Variants in KPNA1 observed in about 807,000 individuals in gnomAD.
KPNA1 encodes the protein karyopherin subunit alpha 1, also known as importin subunit alpha-5.
A neutral mutation model predicts 70.5 loss-of-function variants in KPNA1; 10 were observed. The ratio of observed to expected loss-of-function variants is 0.14; its 90% CI spans 0.09 to 0.24. The LOEUF (loss-of-function observed/expected upper bound fraction) is 0.24, where lower values mean the gene tolerates loss of function less well. KPNA1 is among the 10% of genes least tolerant of loss of function. The pLI is 1.00. For missense variants in KPNA1, 397 were observed against 637.9 expected, an observed-to-expected ratio of 0.62 and a Z score of 4.07; for synonymous variants, 192 against 221.9, an observed-to-expected ratio of 0.87 and a Z score of 1.20.
At chr3:122,457,136 A>G (rs968412781) in intron 5 of KPNA1, among the ~76,000 whole-genome samples, 1 of 152,214 alleles carries the variant, frequency 6.6e-6, no homozygotes, top group South Asian at 2.1e-4. Context: ...AAAAAATTAG[A>G]TGTACTTTAA....
intron 2 of KPNA1, among the ~76,000 whole-genome samples, chr3:122,486,679 C>G (rs2076633035): frequency 6.6e-6 from 1 of 152,110 alleles, no homozygotes; most frequent in Non-Finnish European, 1.5e-5. Context: ...GCTCCACCTC[C>G]CAGGTTCACG....
At chr3:122,459,998 A>G in intron 5 of KPNA1, 1 of 985,472 alleles carries the variant, frequency 1.0e-6, no homozygotes, top group Non-Finnish European at 1.2e-6. Flanking sequence ...CTTAGAGTAA[A>G]GAACAGCACA....
At chr3:122,503,916 CA>C (rs765401001) in intron 1 of KPNA1, among the ~76,000 whole-genome samples, 1 of 151,954 alleles carries the variant, frequency 6.6e-6, no homozygotes, top group Non-Finnish European at 1.5e-5. Flanking sequence ...AACAAACAAA[CA>C]AAAAACCCAG....
intron 12 of KPNA1, among the ~76,000 whole-genome samples, chr3:122,430,507 G>A (rs942341875): frequency 9.9e-6 from 1 of 101,430 alleles, no homozygotes; most frequent in East Asian, 3.1e-4. Flanking sequence ...TTCCTATACT[G>A]TACTACCAGT....
intron 1 of KPNA1, among the ~76,000 whole-genome samples, chr3:122,500,654 T>G (rs1407525013): frequency 1.3e-5 from 2 of 151,554 alleles, no homozygotes; most frequent in East Asian, 3.9e-4. Context: ...ATGCCCAGAT[T>G]ATTATTATAT....
chr3:122,448,021 T>C (rs1229654725), intron 9 of KPNA1, among the ~76,000 whole-genome samples: 1 of 152,156 alleles, frequency 6.6e-6, no homozygotes, highest in Admixed American at 6.5e-5. Flanking sequence ...ATGCTCATCA[T>C]CACTGGTCAT....
intron 12 of KPNA1, among the ~76,000 whole-genome samples, 166 bp from the exon 13 acceptor site, chr3:122,427,882 A>C (rs1316573730): frequency 2.6e-5 from 4 of 152,154 alleles, no homozygotes; most frequent in African/African-American, 9.6e-5. Context: ...AACAAAAACA[A>C]AAAACCCTCT....
intron 2 of KPNA1, among the ~76,000 whole-genome samples, chr3:122,482,234 G>C (rs989060935): frequency 6.6e-6 from 1 of 152,160 alleles, no homozygotes; most frequent in Admixed American, 6.5e-5. Flanking sequence ...CACTGGAGGC[G>C]ATTTTAACCC....
chr3:122,458,810 G>A (rs896911089), intron 5 of KPNA1, among the ~76,000 whole-genome samples: 8 of 152,108 alleles, frequency 5.3e-5, no homozygotes, highest in Non-Finnish European at 7.4e-5. Context: ...GGTCTCTCTC[G>A]ATATATTTGC....
chr3:122,444,910 G>A (rs988838408), intron 9 of KPNA1, among the ~76,000 whole-genome samples: 7 of 152,086 alleles, frequency 4.6e-5, no homozygotes, highest in African/African-American at 1.4e-4. Context: ...CACCAATATC[G>A]AAGACCAAAG....
rs57843662 is a variant in KPNA1 at position 122,478,894 on chromosome 3, CAAAAAAAAAAA to C, written c.130-11476_130-11466del. On this transcript the variant is annotated intron_variant, in intron 2 of 13. Transcript: ENST00000344337. ...GGGCAACAAGAGCAAAACCTCGTCTCAAAAAAAAAAAAAAAAAAAAAAAAAAGAACTAAAAA... is the reference window on the plus strand; with the variant it reads ...GGGCAACAAGAGCAAAACCTCGTCTCAAAAAAAAAAAAAAAGAACTAAAAA... Among the ~76,000 whole-genome samples, 47 of 18,694 alleles carry C rather than the reference CAAAAAAAAAAA, an allele frequency of 2.5e-3. No homozygotes were observed. In the South Asian group the frequency reaches 0.068, roughly 27 times the overall value. The allele number at this position is 18,694 out of a possible 152,430, so 12.3% of individuals were successfully genotyped here. A position where few individuals can be genotyped will look rare whatever the true frequency, so the allele number is the denominator to read the frequency against.
intron 1 of KPNA1, among the ~76,000 whole-genome samples, chr3:122,509,401 G>A (rs1161862398): frequency 6.6e-6 from 1 of 152,088 alleles, no homozygotes; most frequent in African/African-American, 2.4e-5. Flanking sequence ...CTTCTATACA[G>A]GTCTATAATA....
intron 9 of KPNA1, among the ~76,000 whole-genome samples, chr3:122,444,290 A>T (rs1351130652): frequency 6.6e-6 from 1 of 152,172 alleles, no homozygotes; most frequent in African/African-American, 2.4e-5. Context: ...GTTCAAACAC[A>T]CCTTTCACAA....
At chr3:122,452,497 AGACGGAAG>A in intron 6 of KPNA1, among the ~76,000 whole-genome samples, 3 of 120,728 alleles carry the variant, frequency 2.5e-5, no homozygotes, top group African/African-American at 6.2e-5. Context: ...TGACAGGGAC[AGACGGAAG>A]GAGGGAAGGA....
intron 5 of KPNA1, chr3:122,459,829 T>C: frequency 1.0e-6 from 1 of 985,158 alleles, no homozygotes; most frequent in Non-Finnish European, 1.2e-6. Context: ...CAACAAAGAG[T>C]GTAAAACAAA....
intron 9 of KPNA1, among the ~76,000 whole-genome samples, chr3:122,444,109 T>C (rs745973804): frequency 2.0e-5 from 3 of 152,228 alleles, no homozygotes; most frequent in Non-Finnish European, 2.9e-5. Flanking sequence ...CCCAGGGCTG[T>C]TCCTTGCTGA....
At chr3:122,441,820 C>G (rs546105680) in intron 10 of KPNA1, among the ~76,000 whole-genome samples, 1 of 152,152 alleles carries the variant, frequency 6.6e-6, no homozygotes, top group Non-Finnish European at 1.5e-5. Context: ...AGGCTGGTGT[C>G]GAACTCCTGA....
chr3:122,503,095 T>C (rs901573015), intron 1 of KPNA1, among the ~76,000 whole-genome samples: 25 of 151,922 alleles, frequency 1.6e-4, no homozygotes, highest in African/African-American at 5.6e-4. Context: ...AAAAAAAGAT[T>C]CGTTAAGTTT....
intron 11 of KPNA1, among the ~76,000 whole-genome samples, chr3:122,436,722 T>A (rs1434879631): frequency 6.6e-6 from 1 of 152,212 alleles, no homozygotes; most frequent in Non-Finnish European, 1.5e-5. Context: ...AAAAGCTGAC[T>A]ATGAAATAAG....
Sources: allele counts gnomAD v4.1 joint callset (sites outside exome capture counted in the v4.1 genomes callset), GRCh38; gene constraint gnomAD v4.1.1; transcripts MANE v1.5; gene names NCBI Gene and HGNC (gene_info 2026-07-23, HGNC 2026-07-21).